The following RFFL variants were observed in gnomAD, a reference collection of about 807,000 sequenced individuals.
The protein encoded by RFFL is ring finger and FYVE like domain containing E3 ubiquitin protein ligase.
Under a neutral mutation model 40.4 loss-of-function variants are expected in RFFL, and 16 were observed. That is an observed-to-expected ratio of 0.40 (90% CI 0.27 to 0.60). The LOEUF (loss-of-function observed/expected upper bound fraction) is 0.60, where lower values mean the gene tolerates loss of function less well. RFFL is among the 20% of genes least tolerant of loss of function. The pLI, the probability that RFFL is intolerant of heterozygous loss-of-function variation, is 0.47. For missense variants in RFFL, 367 were observed against 451.7 expected, an observed-to-expected ratio of 0.81 and a Z score of 1.70; for synonymous variants, 154 against 167.9, an observed-to-expected ratio of 0.92 and a Z score of 0.64.
chr17:35,047,435 C>T (rs1342893437), intron 1 of RFFL, among the ~76,000 whole-genome samples: 3 of 152,112 alleles, frequency 2.0e-5, no homozygotes, highest in Non-Finnish European at 2.9e-5. Context: ...ATTAAAATAA[C>T]GCATGTCAAA....
intron 1 of RFFL, among the ~76,000 whole-genome samples, chr17:35,041,623 G>A (rs953100536): frequency 3.3e-5 from 5 of 151,586 alleles, no homozygotes; most frequent in African/African-American, 1.2e-4. Flanking sequence ...CCGAGCTGGT[G>A]TGTGTAAATG....
rs1045778652 is a variant in RFFL, at chr17:35,038,392, C to T, written c.-8-11831G>A. On this transcript the variant is annotated intron_variant, in intron 1 of 6. Transcript: ENST00000394597. ...GAAATTTTGTGTGTGTGTGCGCGCGCGTGCATATACACGCGCACCCACATC... is the reference window on the plus strand; with the variant it reads ...GAAATTTTGTGTGTGTGTGCGCGCGTGTGCATATACACGCGCACCCACATC... Among the ~76,000 whole-genome samples the T allele has an allele frequency of 5.9e-5, 9 of 152,146 alleles. No homozygotes were observed. In the South Asian group the frequency reaches 1.0e-3, roughly 18 times the overall value.
At chr17:35,064,307 G>T (rs1306371119), upstream of RFFL, among the ~76,000 whole-genome samples, 2 of 150,566 alleles carry the variant, frequency 1.3e-5, no homozygotes, top group African/African-American at 2.4e-5. Context: ...TTTTTAATCA[G>T]CTGCCACATT....
chr17:35,014,723 CAG>C lies in RFFL; in HGVS notation c.910+15_910+16del. 1 of 1,612,436 alleles carries C rather than the reference CAG, an allele frequency of 6.2e-7. No homozygotes were observed. The highest frequency in any genetic ancestry group is 8.5e-7 in the Non-Finnish European group (1 of 1,178,508). ...AAAAGGGCCTAAGCCCATTCCCAAACAGAAACAACTACATACCGTTTTGGTCT... is the reference window on the plus strand; with the variant it reads ...AAAAGGGCCTAAGCCCATTCCCAAACAAACAACTACATACCGTTTTGGTCT... On this transcript the variant is annotated intron_variant, in intron 6 of 6. Transcript: ENST00000394597.
At chr17:35,066,902 T>C (rs2091323357), upstream of RFFL, among the ~76,000 whole-genome samples, 1 of 151,952 alleles carries the variant, frequency 6.6e-6, no homozygotes. Context: ...GAACATAGTA[T>C]TTAAGAAAAA....
At chr17:35,054,251 C>T (rs1186721016) in intron 1 of RFFL, among the ~76,000 whole-genome samples, 1 of 152,116 alleles carries the variant, frequency 6.6e-6, no homozygotes, top group Non-Finnish European at 1.5e-5. Flanking sequence ...TTGCATTTTC[C>T]TCCATATCCC....
chr17:35,034,895 G>C (rs1387338407), intron 1 of RFFL, among the ~76,000 whole-genome samples: 1 of 152,108 alleles, frequency 6.6e-6, no homozygotes, highest in African/African-American at 2.4e-5. Flanking sequence ...ATTTCGACTA[G>C]GTCTTTGTCC....
At chr17:35,045,691 A>G (rs1235674657) in intron 1 of RFFL, among the ~76,000 whole-genome samples, 1 of 152,152 alleles carries the variant, frequency 6.6e-6, no homozygotes, top group Admixed American at 6.6e-5. Flanking sequence ...ACAGCAATAG[A>G]GCGCTTTTTA....
intron 1 of RFFL, among the ~76,000 whole-genome samples, chr17:35,069,068 C>A (rs1434055647): frequency 1.3e-5 from 2 of 152,200 alleles, no homozygotes; most frequent in Admixed American, 6.5e-5. Context: ...CCTATTACTA[C>A]CTTGCCGCAG....
At chr17:35,025,773 C>T (rs1337721852) in intron 2 of RFFL, among the ~76,000 whole-genome samples, 1 of 152,196 alleles carries the variant, frequency 6.6e-6, no homozygotes, top group Non-Finnish European at 1.5e-5. Context: ...CACCTAGACA[C>T]CATTATCTAG....
At chr17:35,024,151 C>T (rs140312675) in intron 2 of RFFL, among the ~76,000 whole-genome samples, 6 of 152,260 alleles carry the variant, frequency 3.9e-5, no homozygotes, top group African/African-American at 9.6e-5. Context: ...CGCCTCAGGC[C>T]GACACCACCC....
Position 35,012,002 on chromosome 17 carries a change from T to A in RFFL, c.1058A>T (p.Tyr353Phe). The change falls in exon 7 of 7, where the codon TAT becomes TTT. Residue 353 changes from tyrosine to phenylalanine, a missense_variant. Coordinates refer to ENST00000394597, the MANE Select transcript of RFFL (RefSeq NM_001017368.2). The stretch of plus-strand genomic sequence containing the variant: ...GAAGACATGCACAGCTCGGATTACA[T>A]ACTGCCGGCAGATGGGACATTCATT... ...RMNECPICRQYVIRAVHVFRS is the reference protein window; with the variant it reads ...RMNECPICRQFVIRAVHVFRS 1 of 1,614,176 alleles carries A rather than the reference T, an allele frequency of 6.2e-7. No homozygotes were observed. The highest frequency in any genetic ancestry group is 1.1e-5 in the South Asian group (1 of 91,086).
chr17:35,029,276 A>T (rs1247225154), intron 1 of RFFL, among the ~76,000 whole-genome samples: 1 of 151,354 alleles, frequency 6.6e-6, no homozygotes, highest in African/African-American at 2.4e-5. Flanking sequence ...AAAGTAAATG[A>T]GTTCTTTGCT....
At chr17:35,044,182 G>A (rs142916703) in intron 1 of RFFL, among the ~76,000 whole-genome samples, 8 of 152,236 alleles carry the variant, frequency 5.3e-5, no homozygotes, top group African/African-American at 1.7e-4. Context: ...TTGAGCGATC[G>A]TCCCACCTCA....
rs1259144893 is a variant in RFFL at position 35,008,288 on chromosome 17, C to CTCT, written c.*3677_*3679dup. 6.6e-6 allele frequency: 1 copy of CTCT among 152,192 alleles called. No homozygotes were observed. The highest frequency in any genetic ancestry group is 1.9e-4 in the East Asian group (1 of 5,190). The allele number at this position is 152,192 out of a possible 1,614,324, so 9.4% of individuals were successfully genotyped here. A position where few individuals can be genotyped will look rare whatever the true frequency, so the allele number is the denominator to read the frequency against. The stretch of plus-strand genomic sequence containing the variant: ...ATTCTCTTCTAGGTTGTTCCATGGC[C>CTCT]TCTTCCATATATTACATTTGTGGTC... On this transcript the variant is annotated 3_prime_UTR_variant, in exon 7 of 7. Transcript: ENST00000394597.
upstream of RFFL, among the ~76,000 whole-genome samples, chr17:35,067,024 C>G (rs2091324022): frequency 6.6e-6 from 1 of 151,986 alleles, no homozygotes; most frequent in Non-Finnish European, 1.5e-5. Flanking sequence ...ACTTAAGAAT[C>G]AACAGGGGTG....
At chr17:35,016,136 G>A (rs1597811821) in intron 5 of RFFL, among the ~76,000 whole-genome samples, 2 of 152,192 alleles carry the variant, frequency 1.3e-5, no homozygotes, top group African/African-American at 4.8e-5. Context: ...AAGGGGTGAT[G>A]CTAATAATGT....
chr17:35,074,482 T>C (rs1364767031), intron 1 of RFFL: 3 of 152,176 alleles, frequency 2.0e-5, no homozygotes, highest in Non-Finnish European at 4.4e-5. Context: ...ATTCAAAAGG[T>C]AATCATCCTG....
chr17:35,010,716 C>T lies in RFFL; in HGVS notation c.*1252G>A, dbSNP rs1461963127. 6.7e-6 allele frequency: 1 copy of T among 148,544 alleles called. No homozygotes were observed. Among genetic ancestry groups the T allele is most frequent in the Non-Finnish European group, 1.5e-5 (1 of 67,772 alleles). 9.2% of individuals were successfully genotyped at this position (148,544 alleles called of 1,614,324 possible). A position where few individuals can be genotyped will look rare whatever the true frequency, so the allele number is the denominator to read the frequency against. The stretch of plus-strand genomic sequence containing the variant: ...GCAGTAAGCCAAGACTGTACCACTG[C>T]ACTCCAGCCTGGGCAACAGAGTGAG... On this transcript the variant is annotated 3_prime_UTR_variant, in exon 7 of 7. Transcript: ENST00000394597.
Sources: allele counts gnomAD v4.1 joint callset (sites outside exome capture counted in the v4.1 genomes callset), GRCh38; gene constraint gnomAD v4.1.1; transcripts MANE v1.5; gene names NCBI Gene and HGNC (gene_info 2026-07-23, HGNC 2026-07-21).